The following GMDS variants were observed in gnomAD, a reference collection of about 807,000 sequenced individuals.
The protein encoded by GMDS is GDP-mannose 4,6-dehydratase.
Under a neutral mutation model 49.9 loss-of-function variants are expected in GMDS, and 20 were observed. That is an observed-to-expected ratio of 0.40 (90% CI 0.28 to 0.58). The LOEUF is 0.58. GMDS is among the 20% of genes least tolerant of loss of function. The pLI is 0.42. For missense variants in GMDS, 362 were observed against 481.4 expected (o/e 0.75, Z 2.32); for synonymous variants, 177 against 178.6 (o/e 0.99, Z 0.07).
intron 9 of GMDS, among the ~76,000 whole-genome samples, chr6:1,690,850 C>T (rs1765143311): frequency 6.6e-6 from 1 of 152,144 alleles, no homozygotes; most frequent in African/African-American, 2.4e-5. Context: ...TTATTAAAGT[C>T]AAGAAACCAC....
At chr6:2,188,198 A>G (rs1261087790) in intron 1 of GMDS, among the ~76,000 whole-genome samples, 2 of 152,254 alleles carry the variant, frequency 1.3e-5, no homozygotes, top group Non-Finnish European at 2.9e-5. Context: ...CAGCTGGAGT[A>G]CAAATCCGGT....
At chr6:1,994,943 A>G (rs1410567462) in intron 4 of GMDS, among the ~76,000 whole-genome samples, 1 of 152,258 alleles carries the variant, frequency 6.6e-6, no homozygotes, top group Non-Finnish European at 1.5e-5. Context: ...GGAACACCCA[A>G]CAAAGGAAAA....
chr6:1,655,649 G>A (rs1446953300), intron 9 of GMDS, among the ~76,000 whole-genome samples: 2 of 151,952 alleles, frequency 1.3e-5, no homozygotes, highest in South Asian at 4.1e-4. Context: ...GATTACAGGC[G>A]CCAGCCACCA....
At chr6:2,181,307 A>G (rs1778518831) in intron 1 of GMDS, among the ~76,000 whole-genome samples, 1 of 152,268 alleles carries the variant, frequency 6.6e-6, no homozygotes, top group South Asian at 2.1e-4. Flanking sequence ...CTCTCCTCAA[A>G]AAGTGTCTCT....
At chr6:2,103,639 C>A (rs566158944) in intron 4 of GMDS, among the ~76,000 whole-genome samples, 2 of 152,108 alleles carry the variant, frequency 1.3e-5, no homozygotes, top group African/African-American at 4.8e-5. Context: ...AACTCACTTC[C>A]GAATCTCAGT....
intron 9 of GMDS, among the ~76,000 whole-genome samples, chr6:1,723,235 A>G (rs1168174981): frequency 6.6e-6 from 1 of 151,634 alleles, no homozygotes; most frequent in Non-Finnish European, 1.5e-5. Context: ...AAAACATAAT[A>G]TAAAGCTCTA....
intron 1 of GMDS, among the ~76,000 whole-genome samples, chr6:2,233,855 G>A (rs1781230172): frequency 6.6e-6 from 1 of 152,156 alleles, no homozygotes; most frequent in East Asian, 1.9e-4. Context: ...GGAGGCAGCT[G>A]GACTTGGTCC....
chr6:1,971,657 G>A (rs1048401432), intron 4 of GMDS, among the ~76,000 whole-genome samples: 3 of 152,110 alleles, frequency 2.0e-5, no homozygotes, highest in Non-Finnish European at 4.4e-5. Flanking sequence ...TCTGATGAGA[G>A]GCAAGGCTGC....
intron 7 of GMDS, among the ~76,000 whole-genome samples, chr6:1,826,395 G>A (rs1771113370): frequency 6.6e-6 from 1 of 152,188 alleles, no homozygotes; most frequent in Non-Finnish European, 1.5e-5. Context: ...GAGAGCATAT[G>A]AGATCCAAAT....
At chr6:1,663,480 C>T (rs967983761) in intron 9 of GMDS, among the ~76,000 whole-genome samples, 9 of 152,172 alleles carry the variant, frequency 5.9e-5, no homozygotes, top group Middle Eastern at 3.2e-3. Flanking sequence ...CTTTTCCTTG[C>T]TTTTATCCTT....
intron 6 of GMDS, among the ~76,000 whole-genome samples, chr6:1,944,727 A>G (rs1408731396): frequency 2.0e-5 from 3 of 151,670 alleles, no homozygotes; most frequent in Non-Finnish European, 4.4e-5. Flanking sequence ...CAAAAATAGT[A>G]TTGGCTTATA....
At chr6:2,073,365 A>C (rs981327561) in intron 4 of GMDS, among the ~76,000 whole-genome samples, 2 of 152,166 alleles carry the variant, frequency 1.3e-5, no homozygotes, top group Admixed American at 6.5e-5. Context: ...AAACAAACAA[A>C]AACTTTTGTT....
intron 7 of GMDS, among the ~76,000 whole-genome samples, chr6:1,804,732 T>G (rs1322773005): frequency 6.6e-6 from 1 of 152,242 alleles, no homozygotes; most frequent in Non-Finnish European, 1.5e-5. Flanking sequence ...GGTTTTTTTT[T>G]TACATGGCAG....
chr6:2,101,301 A>C (rs944361148), intron 4 of GMDS, among the ~76,000 whole-genome samples: 4 of 151,956 alleles, frequency 2.6e-5, no homozygotes, highest in African/African-American at 9.7e-5. Flanking sequence ...ATGGTAAAAA[A>C]ACACTAAAAA....
chr6:2,106,073 T>C (rs1394656692), intron 4 of GMDS, among the ~76,000 whole-genome samples: 5 of 152,242 alleles, frequency 3.3e-5, no homozygotes, highest in African/African-American at 7.2e-5. Context: ...TGGATTACAC[T>C]TTAAATTAAC....
At chr6:1,946,467 G>A (rs754634309) in intron 6 of GMDS, among the ~76,000 whole-genome samples, 20 of 151,602 alleles carry the variant, frequency 1.3e-4, no homozygotes, top group Non-Finnish European at 2.6e-4. Flanking sequence ...AGAGCATCTG[G>A]CACATGGTCA....
chr6:1,923,112 C>T (rs1761809435), intron 7 of GMDS, among the ~76,000 whole-genome samples: 1 of 152,200 alleles, frequency 6.6e-6, no homozygotes, highest in African/African-American at 2.4e-5. Context: ...CCTCCCCAGC[C>T]ACGTGGAACT....
At chr6:1,950,831 A>C (rs974964297) in intron 6 of GMDS, among the ~76,000 whole-genome samples, 1 of 152,050 alleles carries the variant, frequency 6.6e-6, no homozygotes, top group Non-Finnish European at 1.5e-5. Flanking sequence ...CCTCACCACC[A>C]TGAACCATCT....
At chr6:2,151,175 T>C (rs1290574251) in intron 1 of GMDS, among the ~76,000 whole-genome samples, 2 of 152,090 alleles carry the variant, frequency 1.3e-5, no homozygotes, top group East Asian at 1.9e-4. Flanking sequence ...AAGAGTATAA[T>C]TGGGTTGTTT....
Sources: allele counts gnomAD v4.1 joint callset (sites outside exome capture counted in the v4.1 genomes callset), GRCh38; gene constraint gnomAD v4.1.1; transcripts MANE v1.5; gene names NCBI Gene and HGNC (gene_info 2026-07-23, HGNC 2026-07-21).